The following GLIS3 variants were observed in gnomAD, a reference collection of about 807,000 sequenced individuals.
GLIS3 encodes GLIS family zinc finger 3.
Under a neutral mutation model 78.6 loss-of-function variants are expected in GLIS3, and 53 were observed. The ratio of observed to expected loss-of-function variants is 0.67; its 90% CI spans 0.54 to 0.85. GLIS3 has a LOEUF of 0.85. Ranked by LOEUF, GLIS3 falls within the 40% of genes least tolerant of loss-of-function variation. The probability of loss-of-function intolerance (pLI) is 0.00; values close to 1 mark genes in which losing one functional copy is unlikely to be tolerated. For missense variants in GLIS3, 1,703 were observed against 1,231.1 expected (o/e 1.38, Z -5.74); for synonymous variants, 684 against 509.9 (o/e 1.34, Z -4.60).
chr9:3,945,655 C>T (rs1223045908), intron 4 of GLIS3, among the ~76,000 whole-genome samples: 3 of 152,012 alleles, frequency 2.0e-5, no homozygotes, highest in Non-Finnish European at 4.4e-5. Context: ...TTCATTCTTT[C>T]GATTTTAGGC....
intron 2 of GLIS3, among the ~76,000 whole-genome samples, chr9:4,320,375 G>T (rs1416875192): frequency 6.6e-6 from 1 of 152,034 alleles, no homozygotes; most frequent in Non-Finnish European, 1.5e-5. Flanking sequence ...GACTGAAAAG[G>T]CATCTTCAGT....
intron 2 of GLIS3, among the ~76,000 whole-genome samples, chr9:4,175,752 A>AT (rs1816759206): frequency 6.6e-6 from 1 of 152,200 alleles, no homozygotes; most frequent in African/African-American, 2.4e-5. Context: ...AAGTGAAGCA[A>AT]TGTAACAAAC....
chr9:3,967,422 G>C (rs1350716542), intron 4 of GLIS3, among the ~76,000 whole-genome samples: 1 of 152,068 alleles, frequency 6.6e-6, no homozygotes, highest in Non-Finnish European at 1.5e-5. Flanking sequence ...AGAATCACTT[G>C]AACCCAGGAG....
the GLIS3 span, among the ~76,000 whole-genome samples, chr9:4,367,215 C>G: frequency 2.0e-5 from 3 of 152,248 alleles, no homozygotes; most frequent in African/African-American, 7.2e-5. Context: ...ACCCTGCCCA[C>G]TCTCCAGCTT....
intron 7 of GLIS3, among the ~76,000 whole-genome samples, chr9:3,890,920 T>A (rs1280192037): frequency 6.6e-6 from 1 of 152,130 alleles, no homozygotes; most frequent in Non-Finnish European, 1.5e-5. Flanking sequence ...TACAGTAGAT[T>A]TCCTTAATTA....
chr9:3,865,240 T>C (rs575223484), intron 8 of GLIS3, among the ~76,000 whole-genome samples: 1 of 152,280 alleles, frequency 6.6e-6, no homozygotes, highest in Admixed American at 6.5e-5. Context: ...TCTGCTCACC[T>C]CCATACTCTC....
chr9:4,396,557 CTTTCA>C, the GLIS3 span, among the ~76,000 whole-genome samples: 425 of 152,270 alleles, frequency 2.8e-3, 2 homozygotes, highest in African/African-American at 9.7e-3. Flanking sequence ...TTCTAGTTTC[CTTTCA>C]TTTCCTCTTT....
intron 2 of GLIS3, among the ~76,000 whole-genome samples, chr9:4,338,126 A>C (rs1357761719): frequency 1.3e-5 from 2 of 151,984 alleles, no homozygotes; most frequent in Non-Finnish European, 2.9e-5. Flanking sequence ...AGGAGTCAGG[A>C]CACCTGATTC....
chr9:4,462,648 C>G, the GLIS3 span, among the ~76,000 whole-genome samples: 81,750 of 147,996 alleles, frequency 0.55, 22,350 homozygotes, highest in Middle Eastern at 0.73. Flanking sequence ...CGCACACACA[C>G]ACACACACAC....
chr9:4,098,167 CA>C (rs1305948768), intron 4 of GLIS3, among the ~76,000 whole-genome samples: 1 of 152,176 alleles, frequency 6.6e-6, no homozygotes, highest in Non-Finnish European at 1.5e-5. Flanking sequence ...ACTGAAGCTA[CA>C]GAAGAATTCA....
the GLIS3 span, among the ~76,000 whole-genome samples, chr9:4,416,968 G>A: frequency 4.6e-5 from 7 of 151,982 alleles, no homozygotes; most frequent in East Asian, 3.9e-4. Flanking sequence ...CCCCATTTAC[G>A]CTGACTGTGA....
At chr9:4,211,136 T>A (rs1435166021) in intron 2 of GLIS3, among the ~76,000 whole-genome samples, 1 of 152,248 alleles carries the variant, frequency 6.6e-6, no homozygotes, top group Non-Finnish European at 1.5e-5. Flanking sequence ...AGCTCCATCC[T>A]GACCACATGG....
intron 2 of GLIS3, among the ~76,000 whole-genome samples, chr9:4,158,663 T>C (rs1184773877): frequency 1.3e-5 from 2 of 152,224 alleles, no homozygotes; most frequent in African/African-American, 4.8e-5. Flanking sequence ...TGTCCATCCA[T>C]TAATTCAATA....
intron 2 of GLIS3, among the ~76,000 whole-genome samples, chr9:4,314,292 TTCCAGTCCAGTGC>T (rs1257085842): frequency 6.6e-6 from 1 of 152,232 alleles, no homozygotes; most frequent in African/African-American, 2.4e-5. Flanking sequence ...AACCCTTGAC[TTCCAGTCCAGTGC>T]TCTTTCTCCC....
chr9:4,085,459 C>T (rs1828940487), intron 4 of GLIS3, among the ~76,000 whole-genome samples: 1 of 152,130 alleles, frequency 6.6e-6, no homozygotes, highest in African/African-American at 2.4e-5. Context: ...GCCACTGCCA[C>T]CCTCTCATTT....
chr9:4,041,763 C>A (rs1485268915), intron 4 of GLIS3, among the ~76,000 whole-genome samples: 1 of 152,158 alleles, frequency 6.6e-6, no homozygotes, highest in Non-Finnish European at 1.5e-5. Context: ...AGGTAGAACA[C>A]CCAACCCCAC....
the GLIS3 span, among the ~76,000 whole-genome samples, chr9:4,372,283 T>G: frequency 6.6e-6 from 1 of 152,184 alleles, no homozygotes; most frequent in Non-Finnish European, 1.5e-5. Context: ...CTTGAAACTT[T>G]TAATAACTTT....
At chr9:4,034,970 T>C (rs566618183) in intron 4 of GLIS3, 17 of 152,248 alleles carry the variant, frequency 1.1e-4, no homozygotes, top group African/African-American at 3.9e-4. Context: ...TTCACCACAC[T>C]GCTATGTGTA....
chr9:3,911,625 C>T (rs1370781331), intron 6 of GLIS3, among the ~76,000 whole-genome samples: 1 of 152,160 alleles, frequency 6.6e-6, no homozygotes, highest in African/African-American at 2.4e-5. Context: ...ACCCAGACTA[C>T]GTGGAGTTGA....
Sources: gnomAD v4.1 joint callset for allele counts (sites outside exome capture counted in the v4.1 genomes callset) on GRCh38, gnomAD v4.1.1 for gene constraint, MANE v1.5 for transcripts, NCBI Gene and HGNC (gene_info 2026-07-23, HGNC 2026-07-21) for gene names.